The following RORA variants were observed in gnomAD, a reference collection of about 807,000 sequenced individuals.
RORA encodes nuclear receptor ROR-alpha.
Under a neutral mutation model 69.5 loss-of-function variants are expected in RORA, and 7 were observed. That is an observed-to-expected ratio of 0.10 (90% CI 0.06 to 0.19). The LOEUF (loss-of-function observed/expected upper bound fraction) is 0.19, where lower values mean the gene tolerates loss of function less well. Among genes scored for constraint, RORA ranks in the 10% least tolerant of loss-of-function variants. RORA has a pLI of 1.00. For synonymous variants in RORA, 261 were observed against 240.8 expected (o/e 1.08, Z -0.78); for missense variants, 457 against 663.0 (o/e 0.69, Z 3.41).
chr15:60,592,836 C>G (rs1263747064), intron 2 of RORA: 1 of 506,804 alleles, frequency 2.0e-6, no homozygotes. Flanking sequence ...TTTCTGCACG[C>G]AGCGCCCCGC....
intron 1 of RORA, among the ~76,000 whole-genome samples, chr15:61,057,146 C>T (rs1480851938): frequency 1.3e-5 from 2 of 152,062 alleles, no homozygotes; most frequent in Non-Finnish European, 2.9e-5. Flanking sequence ...TCCTTAGACT[C>T]GACAGGCGAA....
At chr15:61,124,564 T>A (rs895687856) in intron 1 of RORA, among the ~76,000 whole-genome samples, 1 of 152,266 alleles carries the variant, frequency 6.6e-6, no homozygotes, top group African/African-American at 2.4e-5. Flanking sequence ...CCCTTTAGTT[T>A]CCGATGTAGG....
At chr15:60,943,309 T>A (rs1358754765) in intron 1 of RORA, among the ~76,000 whole-genome samples, 4 of 150,892 alleles carry the variant, frequency 2.7e-5, no homozygotes, top group African/African-American at 9.8e-5. Flanking sequence ...TTTCTTAATT[T>A]TTTTTTTTTT....
chr15:60,648,382 G>A (rs969484453), intron 2 of RORA, among the ~76,000 whole-genome samples: 4 of 152,190 alleles, frequency 2.6e-5, no homozygotes, highest in Non-Finnish European at 5.9e-5. Context: ...TAATTCTGAA[G>A]ATTTTAACCT....
chr15:60,853,857 G>T (rs2073351407), intron 1 of RORA, among the ~76,000 whole-genome samples: 1 of 152,172 alleles, frequency 6.6e-6, no homozygotes, highest in South Asian at 2.1e-4. Context: ...TACCATCCTT[G>T]TACTGTAATT....
At chr15:61,185,498 G>A (rs1165961132) in intron 1 of RORA, among the ~76,000 whole-genome samples, 3 of 152,048 alleles carry the variant, frequency 2.0e-5, no homozygotes, top group Non-Finnish European at 4.4e-5. Flanking sequence ...TGATTGCCCC[G>A]ACATTGGCAA....
intron 1 of RORA, among the ~76,000 whole-genome samples, chr15:60,726,338 T>C (rs2071356739): frequency 6.6e-6 from 1 of 151,924 alleles, no homozygotes; most frequent in South Asian, 2.1e-4. Context: ...AGAAGGAAAG[T>C]GGAAATGTCT....
At chr15:60,899,703 G>A (rs554389102) in intron 1 of RORA, among the ~76,000 whole-genome samples, 15 of 152,260 alleles carry the variant, frequency 9.9e-5, no homozygotes, top group African/African-American at 3.6e-4. Flanking sequence ...ACAACTCCCC[G>A]CACTTCAAAC....
intron 1 of RORA, among the ~76,000 whole-genome samples, chr15:61,214,918 G>A (rs2080025410): frequency 1.4e-5 from 2 of 142,176 alleles, no homozygotes; most frequent in Non-Finnish European, 3.0e-5. Flanking sequence ...AGGCTGGAGT[G>A]CAGTGGCACG....
chr15:60,770,736 C>T (rs566582101), intron 1 of RORA, among the ~76,000 whole-genome samples: 2 of 152,314 alleles, frequency 1.3e-5, no homozygotes, highest in East Asian at 3.9e-4. Context: ...GATCCTCCTG[C>T]CTCAGCCTCC....
chr15:61,206,634 T>C (rs2079944328), intron 1 of RORA, among the ~76,000 whole-genome samples: 1 of 152,196 alleles, frequency 6.6e-6, no homozygotes, highest in South Asian at 2.1e-4. Flanking sequence ...TCCTATTTCC[T>C]TCCCGATGGA....
At chr15:60,802,252 C>A (rs945970930) in intron 1 of RORA, among the ~76,000 whole-genome samples, 2 of 152,190 alleles carry the variant, frequency 1.3e-5, no homozygotes, top group African/African-American at 2.4e-5. Context: ...TCCTCATCTG[C>A]GTATGTGAAT....
chr15:60,780,809 G>A (rs1324393002), intron 1 of RORA, among the ~76,000 whole-genome samples: 1 of 152,198 alleles, frequency 6.6e-6, no homozygotes, highest in African/African-American at 2.4e-5. Context: ...GGGTGAGGCA[G>A]ACACGGTCCC....
At chr15:60,836,660 C>T (rs2073119870) in intron 1 of RORA, among the ~76,000 whole-genome samples, 1 of 152,190 alleles carries the variant, frequency 6.6e-6, no homozygotes, top group African/African-American at 2.4e-5. Context: ...ACTCAGCCTT[C>T]TTGCCTAACC....
At chr15:61,059,976 GGAAGAGGAAGAGGAAGAA>G (rs1566968707) in intron 1 of RORA, among the ~76,000 whole-genome samples, 2 of 89,326 alleles carry the variant, frequency 2.2e-5, no homozygotes, top group Non-Finnish European at 2.3e-5. Flanking sequence ...AAGAGGAAGA[GGAAGAGGAAGAGGAAGAA>G]GAAGAAGAAG....
At chr15:60,874,255 G>A (rs1255174600) in intron 1 of RORA, among the ~76,000 whole-genome samples, 2 of 152,050 alleles carry the variant, frequency 1.3e-5, no homozygotes, top group African/African-American at 2.4e-5. Flanking sequence ...GTGTCCTTGA[G>A]GGTATAGTTG....
At chr15:60,567,419 T>TTA (rs1220910864) in intron 2 of RORA, among the ~76,000 whole-genome samples, 95 of 146,696 alleles carry the variant, frequency 6.5e-4, no homozygotes, top group Non-Finnish European at 7.9e-4. Context: ...TATTATTATT[T>TTA]TTTTTTTTCT....
At chr15:61,006,030 G>C (rs879286836) in intron 1 of RORA, among the ~76,000 whole-genome samples, 20 of 151,928 alleles carry the variant, frequency 1.3e-4, no homozygotes, top group African/African-American at 4.6e-4. Context: ...GTGCAGTGGC[G>C]CGATCTTGGC....
intron 1 of RORA, among the ~76,000 whole-genome samples, chr15:60,800,714 A>G (rs1013225906): frequency 3.3e-5 from 5 of 152,128 alleles, no homozygotes; most frequent in African/African-American, 1.2e-4. Context: ...CCCACACAGC[A>G]TCTACCTCCC....
Sources: allele counts gnomAD v4.1 joint callset (sites outside exome capture counted in the v4.1 genomes callset), GRCh38; gene constraint gnomAD v4.1.1; transcripts MANE v1.5; gene names NCBI Gene and HGNC (gene_info 2026-07-23, HGNC 2026-07-21).